The following AEBP2 variants were observed in gnomAD, a reference collection of about 807,000 sequenced individuals.
AEBP2 encodes the protein AE binding protein 2.
AEBP2 carries 10 observed loss-of-function variants against 50.8 expected under a neutral mutation model. The ratio of observed to expected loss-of-function variants is 0.20; its 90% CI spans 0.12 to 0.33. The LOEUF is 0.33. Among genes scored for constraint, AEBP2 ranks in the 10% least tolerant of loss-of-function variants. The pLI is 1.00. For synonymous variants in AEBP2, 296 were observed against 261.3 expected, an observed-to-expected ratio of 1.13 and a Z score of -1.28; for missense variants, 570 against 688.0, an observed-to-expected ratio of 0.83 and a Z score of 1.92.
chr12:19,507,581 C>T (rs2120567082), intron 5 of AEBP2, among the ~76,000 whole-genome samples: 2 of 151,826 alleles, frequency 1.3e-5, no homozygotes, highest in South Asian at 4.1e-4. Flanking sequence ...TGAGTGATGT[C>T]CACCCTTAAG....
chr12:19,411,807 G>A lies in AEBP2; in HGVS notation c.-17+7591G>A, dbSNP rs184775898. ...ACTATAAGACAGAAAGAAAACACTT[G>A]ACATAGATTGACTCGTTTACTCCTC... is the stretch of plus-strand genomic sequence containing the variant. On this transcript the variant is annotated intron_variant, in intron 1 of 3. Coordinates refer to the AEBP2 transcript ENST00000538425. 4.6e-5 allele frequency among the ~76,000 whole-genome samples: 7 copies of A among 152,294 alleles called. No homozygotes were observed. The East Asian group carries it at 1.2e-3, about 25-fold the overall frequency.
rs113630772 is a variant in AEBP2 at position 19,433,922 on chromosome 12, C to G, written c.-16-28588C>G. Among the ~76,000 whole-genome samples, 808 of 152,150 alleles carry G rather than the reference C, an allele frequency of 5.3e-3. 6 individuals carry two copies. The highest frequency in any genetic ancestry group is 0.015 in the African/African-American group (634 of 41,522). ...AGTGTAGTGGCGCGATCTCGGCTCA[C>G]TGCAACCTCTGCCTCCTGGGTTCAA... On this transcript the variant is annotated intron_variant, in intron 1 of 3. Transcript: ENST00000538425.
At chr12:19,492,979 AAAAAC>A (rs1378153990) in intron 3 of AEBP2, among the ~76,000 whole-genome samples, 1 of 152,224 alleles carries the variant, frequency 6.6e-6, no homozygotes, top group East Asian at 1.9e-4. Context: ...CTGTCTCAAA[AAAAAC>A]AAAACCCAAA....
chr12:19,423,610 CG>C (rs1340677788), intron 1 of AEBP2, among the ~76,000 whole-genome samples: 1 of 152,130 alleles, frequency 6.6e-6, no homozygotes, highest in Admixed American at 6.6e-5. Context: ...TATAAATCAG[CG>C]GATGCTATTG....
chr12:19,506,940 C>T (rs768893699), intron 5 of AEBP2, among the ~76,000 whole-genome samples: 1 of 151,928 alleles, frequency 6.6e-6, no homozygotes, highest in Non-Finnish European at 1.5e-5. Context: ...GGCTCTCAGG[C>T]AAGCAGATTG....
chr12:19,472,271 C>G (rs1440384599), intron 2 of AEBP2, among the ~76,000 whole-genome samples: 2 of 152,136 alleles, frequency 1.3e-5, no homozygotes, highest in African/African-American at 4.8e-5. Context: ...CAAAGTGTGA[C>G]TCTGTAATTG....
intron 1 of AEBP2, among the ~76,000 whole-genome samples, chr12:19,408,374 T>C (rs1327850216): frequency 6.6e-6 from 1 of 151,218 alleles, no homozygotes; most frequent in African/African-American, 2.4e-5. Flanking sequence ...CTGGCCAACA[T>C]GGTGAAACTC....
chr12:19,440,671 C>T (rs1176022040), intron 1 of AEBP2: 1 of 1,532,932 alleles, frequency 6.5e-7, no homozygotes, highest in East Asian at 2.4e-5. Context: ...CCCAAACGGG[C>T]CCAGATCCTC....
intron 2 of AEBP2, among the ~76,000 whole-genome samples, chr12:19,467,863 C>T (rs1948505656): frequency 6.6e-6 from 1 of 151,808 alleles, no homozygotes; most frequent in African/African-American, 2.4e-5. Flanking sequence ...TGCATATATT[C>T]TTTGGTGTGT....
intron 3 of AEBP2, among the ~76,000 whole-genome samples, chr12:19,487,724 T>G (rs1455556527): frequency 6.7e-6 from 1 of 148,980 alleles, no homozygotes. Context: ...TTAAAAAACA[T>G]AAAGAAAAAA....
upstream of AEBP2, among the ~76,000 whole-genome samples, chr12:19,438,690 T>A (rs959420620): frequency 6.6e-6 from 1 of 152,114 alleles, no homozygotes; most frequent in Non-Finnish European, 1.5e-5. Context: ...TTATTACAAG[T>A]AAGACGATCA....
chr12:19,439,424 C>A (rs1360321483), upstream of AEBP2, among the ~76,000 whole-genome samples: 7 of 45,750 alleles, frequency 1.5e-4, no homozygotes, highest in East Asian at 5.3e-4. Context: ...GGGCGCCGGG[C>A]GGGGGCGGGG....
intron 5 of AEBP2, among the ~76,000 whole-genome samples, chr12:19,507,224 G>T (rs1949165565): frequency 1.3e-5 from 2 of 152,148 alleles, no homozygotes; most frequent in African/African-American, 4.8e-5. Context: ...GATTTAAAGG[G>T]CAATAGATTT....
rs1948472685 is a variant in AEBP2 at position 19,466,315 on chromosome 12, G to T, written c.879+3598G>T. ...TCCTGTCTCTACAAAAATTAGCTGG[G>T]TGTAGTGGCACACGCCTGTGGTCTT... On this transcript the variant is annotated intron_variant, in intron 2 of 7. Transcript: ENST00000266508. 2.0e-5 allele frequency among the ~76,000 whole-genome samples: 3 copies of T among 152,178 alleles called. No homozygotes were observed. In the South Asian group the frequency reaches 6.2e-4, roughly 32 times the overall value.
intron 1 of AEBP2, among the ~76,000 whole-genome samples, chr12:19,412,442 G>C (rs566227662): frequency 6.6e-6 from 1 of 151,484 alleles, no homozygotes; most frequent in Non-Finnish European, 1.5e-5. Flanking sequence ...CACACCTAGC[G>C]AATTTTTTTG....
intron 5 of AEBP2, among the ~76,000 whole-genome samples, chr12:19,508,358 G>A (rs1160254297): frequency 6.6e-6 from 1 of 152,140 alleles, no homozygotes; most frequent in African/African-American, 2.4e-5. Context: ...ACTGCGTCTG[G>A]CCTCACCATA....
chr12:19,510,418 G>A (rs1375631073), intron 5 of AEBP2, among the ~76,000 whole-genome samples: 3 of 152,144 alleles, frequency 2.0e-5, no homozygotes, highest in South Asian at 2.1e-4. Flanking sequence ...TTGTGTATGC[G>A]CATGGGCAGA....
chr12:19,454,379 A>G (rs1948227156), intron 1 of AEBP2, among the ~76,000 whole-genome samples: 1 of 152,218 alleles, frequency 6.6e-6, no homozygotes, highest in Admixed American at 6.5e-5. Context: ...ACACTTGGCT[A>G]GACCCTTAAG....
intron 1 of AEBP2, among the ~76,000 whole-genome samples, chr12:19,454,034 C>T (rs549195534): frequency 9.2e-5 from 14 of 152,148 alleles, no homozygotes; most frequent in Admixed American, 5.2e-4. Flanking sequence ...GGACAGTCTC[C>T]ATGTCTCCAT....
Sources: gnomAD v4.1 joint callset for allele counts (sites outside exome capture counted in the v4.1 genomes callset) on GRCh38, gnomAD v4.1.1 for gene constraint, MANE v1.5 for transcripts, NCBI Gene and HGNC (gene_info 2026-07-23, HGNC 2026-07-21) for gene names.